KCND2: variants seen among roughly 807,000 people sequenced by gnomAD.
KCND2 encodes potassium voltage-gated channel subfamily D member 2.
A neutral mutation model predicts 54.4 loss-of-function variants in KCND2; 16 were observed. The observed-to-expected ratio is 0.29, with a 90% confidence interval of 0.20 to 0.45. KCND2 has a LOEUF of 0.45. KCND2 is among the 20% of genes least tolerant of loss of function. The pLI, the probability that KCND2 is intolerant of heterozygous loss-of-function variation, is 1.00. For synonymous variants in KCND2, 317 were observed against 310.7 expected (o/e 1.02, Z -0.21); for missense variants, 486 against 824.2 (o/e 0.59, Z 5.02).
chr7:120,664,872 C>A (rs558034452), intron 1 of KCND2, among the ~76,000 whole-genome samples: 1 of 152,138 alleles, frequency 6.6e-6, no homozygotes, highest in Admixed American at 6.5e-5. Flanking sequence ...AATGCTCAAA[C>A]CACATAGTAG....
chr7:120,358,107 G>C (rs1225797036), intron 1 of KCND2, among the ~76,000 whole-genome samples: 1 of 152,100 alleles, frequency 6.6e-6, no homozygotes, highest in East Asian at 1.9e-4. Context: ...GAATTTGATG[G>C]ATGGGTATGG....
At chr7:120,514,757 C>T (rs541289707) in intron 1 of KCND2, among the ~76,000 whole-genome samples, 1 of 152,032 alleles carries the variant, frequency 6.6e-6, no homozygotes, top group Middle Eastern at 3.4e-3. Context: ...GATCATCAGG[C>T]ATTAGTTAGA....
chr7:120,280,664 C>G (rs569667376), intron 1 of KCND2, among the ~76,000 whole-genome samples: 2 of 150,862 alleles, frequency 1.3e-5, no homozygotes, highest in African/African-American at 5.0e-5. Flanking sequence ...AGTGACCCAT[C>G]ATTTATTTAA....
chr7:120,641,754 C>CTTT (rs5886998), intron 1 of KCND2, among the ~76,000 whole-genome samples: 8,069 of 129,782 alleles, frequency 0.062, 383 homozygotes, highest in African/African-American at 0.09. Flanking sequence ...CAAGCATATT[C>CTTT]TTTTTTTTTT....
Position 120,748,282 on chromosome 7 carries a change from G to GA in KCND2, c.*433dup, listed in dbSNP as rs369077171. 52 of 158,400 alleles carry GA rather than the reference G, an allele frequency of 3.3e-4. No individual in the cohort carries two copies. Among genetic ancestry groups the GA allele is most frequent in the East Asian group, 5.5e-4 (3 of 5,424 alleles). The allele number at this position is 158,400 out of a possible 1,614,324, so 9.8% of individuals were successfully genotyped here. On this transcript the variant is annotated 3_prime_UTR_variant, in exon 6 of 6. Transcript: ENST00000331113. ...GGCTATGATGAAGATTATTACATAT[G>GA]AAAAAAAAACTCACACAACATATTT...
chr7:120,617,312 C>T (rs1793038751), intron 1 of KCND2, among the ~76,000 whole-genome samples: 3 of 151,818 alleles, frequency 2.0e-5, no homozygotes, highest in African/African-American at 4.8e-5. Flanking sequence ...GTAATGAAAC[C>T]GGTTTAAACC....
At chr7:120,668,346 C>T (rs1168824941) in intron 1 of KCND2, among the ~76,000 whole-genome samples, 2 of 151,858 alleles carry the variant, frequency 1.3e-5, no homozygotes, top group African/African-American at 2.4e-5. Flanking sequence ...TTCACTAAGT[C>T]GTGAGCTGAG....
intron 1 of KCND2, among the ~76,000 whole-genome samples, chr7:120,504,041 T>C (rs1285015133): frequency 6.6e-6 from 1 of 151,976 alleles, no homozygotes; most frequent in African/African-American, 2.4e-5. Context: ...GAATAAATAA[T>C]GAAAGAGATT....
chr7:120,496,434 AT>A (rs971453725), intron 1 of KCND2, among the ~76,000 whole-genome samples: 3 of 150,844 alleles, frequency 2.0e-5, no homozygotes, highest in Non-Finnish European at 3.0e-5. Flanking sequence ...TAATTTTTTA[AT>A]TTTTTTTGAG....
At chr7:120,390,281 G>A (rs1434679099) in intron 1 of KCND2, among the ~76,000 whole-genome samples, 1 of 151,496 alleles carries the variant, frequency 6.6e-6, no homozygotes, top group East Asian at 1.9e-4. Flanking sequence ...AAATAATTAA[G>A]ACACAATCAG....
chr7:120,371,024 C>T (rs1800757245), intron 1 of KCND2, among the ~76,000 whole-genome samples: 1 of 152,084 alleles, frequency 6.6e-6, no homozygotes, highest in South Asian at 2.1e-4. Context: ...CTGCTTCTTA[C>T]TGCCTTCATT....
At chr7:120,447,830 T>A (rs11543802) in intron 1 of KCND2, among the ~76,000 whole-genome samples, 25,818 of 152,100 alleles carry the variant, frequency 0.17, 2,838 homozygotes, top group East Asian at 0.56. Context: ...ACTGATTTTT[T>A]TTTATTTTTT....
intron 1 of KCND2, among the ~76,000 whole-genome samples, chr7:120,471,197 C>A (rs1459403351): frequency 6.6e-6 from 1 of 152,002 alleles, no homozygotes; most frequent in Admixed American, 6.6e-5. Flanking sequence ...GATTACACTT[C>A]TTTTCAATTA....
chr7:120,681,943 C>T (rs1290593492), intron 1 of KCND2, among the ~76,000 whole-genome samples: 1 of 151,826 alleles, frequency 6.6e-6, no homozygotes, highest in African/African-American at 2.4e-5. Context: ...CCCAAAAAGG[C>T]ATAGTTAAAC....
In KCND2 at chr7:120,504,874, C is replaced by T. The variant is rs530833829; in HGVS notation, c.1116-228029C>T. On this transcript the variant is annotated intron_variant, in intron 1 of 5. Coordinates refer to ENST00000331113, the MANE Select transcript of KCND2 (RefSeq NM_012281.3). ...AGAATTCCAGATCACTCATGAATAT[C>T]GGTATACTCTTTTTTAGCACGTGAG... Among the ~76,000 whole-genome samples, 58 of 151,504 alleles carry T rather than the reference C, an allele frequency of 3.8e-4. 1 individual carries two copies. In the South Asian group the frequency reaches 0.011, roughly 28 times the overall value.
intron 1 of KCND2, among the ~76,000 whole-genome samples, chr7:120,723,052 A>G (rs1160695970): frequency 1.3e-5 from 2 of 152,170 alleles, no homozygotes; most frequent in African/African-American, 4.8e-5. Flanking sequence ...GGGGAGTTTC[A>G]TCCAACAGAG....
chr7:120,493,324 TAAG>T (rs1802809828), intron 1 of KCND2, among the ~76,000 whole-genome samples: 1 of 151,926 alleles, frequency 6.6e-6, no homozygotes, highest in South Asian at 2.1e-4. Flanking sequence ...CTTAACGGTT[TAAG>T]AAGAATTTTT....
intron 1 of KCND2, among the ~76,000 whole-genome samples, chr7:120,360,380 T>C (rs574675069): frequency 8.5e-5 from 13 of 152,056 alleles, no homozygotes; most frequent in Non-Finnish European, 1.6e-4. Context: ...TCAAAGCCTA[T>C]CTTTGATCTC....
At position 120,677,319 on chromosome 7, in the gene KCND2, C is replaced by T. The variant is rs1792074848; in HGVS notation, c.1116-55584C>T. 2.0e-5 allele frequency among the ~76,000 whole-genome samples: 3 copies of T among 152,010 alleles called. No individual in the cohort carries two copies. The South Asian group carries it at 6.2e-4, about 31-fold the overall frequency. On this transcript the variant is annotated intron_variant, in intron 1 of 5. Transcript: ENST00000331113. Reference sequence around the variant, plus strand: ...AGTAGCCAGTCACCTTGGAATGAATCAGTACCAGGGAAGAGTAAACCAGTA... The same window carrying T: ...AGTAGCCAGTCACCTTGGAATGAATTAGTACCAGGGAAGAGTAAACCAGTA...
Sources: allele counts gnomAD v4.1 joint callset (sites outside exome capture counted in the v4.1 genomes callset), GRCh38; gene constraint gnomAD v4.1.1; transcripts MANE v1.5; gene names NCBI Gene and HGNC (gene_info 2026-07-23, HGNC 2026-07-21).